Variants in MAP7D2 observed in about 807,000 individuals in gnomAD.
MAP7D2 encodes MAP7 domain containing 2.
In MAP7D2, 33 loss-of-function variants were observed where a neutral mutation model predicts 63.5. The observed-to-expected ratio is 0.52, with a 90% CI of 0.39 to 0.70. The LOEUF is 0.70. MAP7D2 is among the 30% of genes least tolerant of loss of function. The pLI is 0.00. For synonymous variants in MAP7D2, 224 were observed against 223.7 expected, an observed-to-expected ratio of 1.00 and a Z score of -0.01; for missense variants, 626 against 604.0, an observed-to-expected ratio of 1.04 and a Z score of -0.38.
chrX:20,008,548 C>T, intron 16 of MAP7D2, 150 bp from the exon 17 acceptor site: 1 of 112,456 alleles, frequency 8.9e-6, no homozygotes, highest in Middle Eastern at 4.6e-3. Context: ...TGGGCTTATA[C>T]AGTATTTCTC....
intron 1 of MAP7D2, among the ~76,000 whole-genome samples, chrX:20,074,546 A>G (rs772098765): frequency 3.6e-5 from 4 of 111,676 alleles, no homozygotes; most frequent in Non-Finnish European, 7.5e-5. Context: ...AACCAATTAC[A>G]ATCCCATAAG....
rs1319485090 is a variant in MAP7D2 at position 20,032,530 on chromosome X, A to G, written c.1008-6578T>C. 2.7e-5 allele frequency among the ~76,000 whole-genome samples: 3 copies of G among 111,718 alleles called. No homozygotes were observed. The East Asian group carries it at 8.4e-4, about 31-fold the overall frequency. The stretch of plus-strand genomic sequence containing the variant: ...TGTGATTTGGAGTAAAGTGGGAGGT[A>G]CTTGTTTTGGGCCATCCAGACACCT... On this transcript the variant is annotated intron_variant, in intron 8 of 16. Transcript: ENST00000379643.
chrX:20,060,416 A>AAGAGAG (rs201124124), intron 3 of MAP7D2, among the ~76,000 whole-genome samples: 1 of 85,945 alleles, frequency 1.2e-5, no homozygotes, highest in Non-Finnish European at 2.2e-5. Context: ...AAGAAAAGAA[A>AAGAGAG]AGAGAGAGAG....
intron 1 of MAP7D2, among the ~76,000 whole-genome samples, chrX:20,076,658 G>A (rs1044063742): frequency 1.9e-5 from 2 of 108,022 alleles, no homozygotes; most frequent in Non-Finnish European, 3.8e-5. Flanking sequence ...CCAAGATCAC[G>A]CCACTGCACT....
chrX:20,050,169 T>C (rs939120918), intron 6 of MAP7D2, among the ~76,000 whole-genome samples: 3 of 111,339 alleles, frequency 2.7e-5, no homozygotes, highest in Non-Finnish European at 5.7e-5. Context: ...CATGACGACT[T>C]GATCTGCTTT....
At chrX:20,021,028 CT>C (rs113405080) in intron 10 of MAP7D2, among the ~76,000 whole-genome samples, 3 of 112,005 alleles carry the variant, frequency 2.7e-5, no homozygotes, top group Admixed American at 9.4e-5. Context: ...GCTATTTTAG[CT>C]TTTTAACATG....
intron 1 of MAP7D2, among the ~76,000 whole-genome samples, chrX:20,089,488 C>T (rs1412707137): frequency 8.9e-6 from 1 of 112,397 alleles, no homozygotes; most frequent in Non-Finnish European, 1.9e-5. Context: ...AATAGCTCAG[C>T]CTCAATTTAT....
chrX:20,046,810 T>G (rs995976947), intron 6 of MAP7D2, among the ~76,000 whole-genome samples: 1 of 112,507 alleles, frequency 8.9e-6, no homozygotes, highest in Admixed American at 9.4e-5. Flanking sequence ...TGGGTGAGAG[T>G]AGGGGATGAT....
At chrX:20,022,051 A>G (rs933957152) in intron 10 of MAP7D2, among the ~76,000 whole-genome samples, 1 of 112,077 alleles carries the variant, frequency 8.9e-6, no homozygotes, top group African/African-American at 3.2e-5. Context: ...AGTCAACTGA[A>G]CAGCTGGGCT....
At chrX:20,054,286 C>T (rs7055595) in intron 4 of MAP7D2, among the ~76,000 whole-genome samples, 36,490 of 111,321 alleles carry the variant, frequency 0.33, 6,207 homozygotes, top group African/African-American at 0.67. Context: ...TTTGATAAAA[C>T]TAAACATTAG....
chrX:20,087,459 A>T (rs1344761450), intron 1 of MAP7D2, among the ~76,000 whole-genome samples: 1 of 111,965 alleles, frequency 8.9e-6, no homozygotes, highest in African/African-American at 3.2e-5. Context: ...CATGAGTGGA[A>T]GTAGCCTGAG....
At chrX:20,011,127 T>C (rs1269173003) in intron 15 of MAP7D2, 75 bp from the exon 16 acceptor site, 1 of 1,023,380 alleles carries the variant, frequency 9.8e-7, no homozygotes, top group East Asian at 3.1e-5. Context: ...TTAATTCTAT[T>C]TGCAATATTT....
chrX:20,079,554 C>T (rs758314520), intron 1 of MAP7D2, among the ~76,000 whole-genome samples: 2 of 111,842 alleles, frequency 1.8e-5, no homozygotes, highest in African/African-American at 6.5e-5. Context: ...TCAGCCCCCT[C>T]GGCCCTGAGA....
At chrX:20,084,499 A>G (rs2065856520) in intron 1 of MAP7D2, among the ~76,000 whole-genome samples, 1 of 109,654 alleles carries the variant, frequency 9.1e-6, no homozygotes. Flanking sequence ...AATGGGCATA[A>G]TTTGTTCCCC....
chrX:20,112,079 T>A (rs1329007552), intron 1 of MAP7D2, among the ~76,000 whole-genome samples: 3 of 112,118 alleles, frequency 2.7e-5, no homozygotes, highest in Non-Finnish European at 3.8e-5. Flanking sequence ...GCCATAAAGC[T>A]GTTATTACAG....
intron 6 of MAP7D2, among the ~76,000 whole-genome samples, chrX:20,048,937 A>G (rs1245455607): frequency 9.3e-6 from 1 of 107,900 alleles, no homozygotes; most frequent in Non-Finnish European, 1.9e-5. Context: ...ACATATACAT[A>G]TATATACATA....
chrX:20,046,370 CAT>C (rs1268509329), intron 6 of MAP7D2, among the ~76,000 whole-genome samples: 1 of 112,463 alleles, frequency 8.9e-6, no homozygotes, highest in Non-Finnish European at 1.9e-5. Context: ...ATTCCCAACA[CAT>C]GATTCCTACA....
chrX:20,013,490 C>T, intron 13 of MAP7D2, 79 bp downstream of exon 13: 1 of 908,593 alleles, frequency 1.1e-6, no homozygotes, highest in Non-Finnish European at 1.5e-6. Flanking sequence ...TCGCCAAGAC[C>T]TACAATTTCA....
At chrX:20,049,302 C>T (rs2064882838) in intron 6 of MAP7D2, among the ~76,000 whole-genome samples, 1 of 99,603 alleles carries the variant, frequency 1.0e-5, no homozygotes, top group African/African-American at 3.7e-5. Context: ...GATGGAGTCT[C>T]GCTGTGTCAC....
Sources: allele counts gnomAD v4.1 joint callset (sites outside exome capture counted in the v4.1 genomes callset), GRCh38; gene constraint gnomAD v4.1.1; transcripts MANE v1.5; gene names NCBI Gene and HGNC (gene_info 2026-07-23, HGNC 2026-07-21).